The following FGF13 variants were observed in gnomAD, a reference collection of about 807,000 sequenced individuals.
FGF13 encodes fibroblast growth factor homologous factor 2.
In FGF13, 2 loss-of-function variants were observed where a neutral mutation model predicts 19.5. The observed-to-expected ratio is 0.10, with a 90% CI of 0.04 to 0.32. The LOEUF (loss-of-function observed/expected upper bound fraction) is 0.32. Among genes scored for constraint, FGF13 ranks in the 10% least tolerant of loss-of-function variants. FGF13 has a pLI of 1.00. For missense variants in FGF13, 113 were observed against 192.7 expected, an observed-to-expected ratio of 0.59 and a Z score of 2.45; for synonymous variants, 72 against 76.9, an observed-to-expected ratio of 0.94 and a Z score of 0.33.
chrX:138,899,564 G>A (rs1402882814), intron 1 of FGF13, among the ~76,000 whole-genome samples: 1 of 110,916 alleles, frequency 9.0e-6, no homozygotes, highest in African/African-American at 3.3e-5. Context: ...GAGAAACTGA[G>A]GCTACTTGGT....
intron 3 of FGF13, among the ~76,000 whole-genome samples, chrX:138,790,073 A>G (rs1208413752): frequency 1.0e-5 from 1 of 95,327 alleles, no homozygotes; most frequent in Non-Finnish European, 2.1e-5. Context: ...AAAAAAAACA[A>G]ACACACACAC....
chrX:138,990,836 T>A (rs185997258), intron 1 of FGF13, among the ~76,000 whole-genome samples: 1 of 111,896 alleles, frequency 8.9e-6, no homozygotes, highest in East Asian at 2.8e-4. Context: ...TAATAAGCTC[T>A]CCCCTCAAGG....
intron 3 of FGF13, among the ~76,000 whole-genome samples, chrX:138,803,994 C>A (rs1269404997): frequency 1.8e-5 from 2 of 111,874 alleles, no homozygotes; most frequent in East Asian, 2.8e-4. Context: ...AAAATAAATT[C>A]ATACTCTAAC....
chrX:138,719,808 G>T (rs2090135055), intron 1 of FGF13, among the ~76,000 whole-genome samples: 1 of 112,735 alleles, frequency 8.9e-6, no homozygotes, highest in Non-Finnish European at 1.9e-5. Context: ...ACAGTTAAAA[G>T]TACAGTCAAC....
chrX:138,882,947 C>A (rs2091434860), intron 1 of FGF13, among the ~76,000 whole-genome samples: 1 of 111,123 alleles, frequency 9.0e-6, no homozygotes, highest in Non-Finnish European at 1.9e-5. Context: ...AACCTGCCCC[C>A]CAAAACTTGT....
At chrX:139,144,537 G>T (rs1408694327) in intron 1 of FGF13, among the ~76,000 whole-genome samples, 1 of 111,426 alleles carries the variant, frequency 9.0e-6, no homozygotes, top group Non-Finnish European at 1.9e-5. Context: ...CTCCTGCAAT[G>T]GTCTCCTTCC....
chrX:139,021,249 C>A (rs2092176973), intron 1 of FGF13, among the ~76,000 whole-genome samples: 1 of 110,685 alleles, frequency 9.0e-6, no homozygotes, highest in African/African-American at 3.3e-5. Context: ...AAATTTTGGG[C>A]TGCCATCCCC....
intron 3 of FGF13, among the ~76,000 whole-genome samples, chrX:138,769,283 C>T (rs1414147446): frequency 1.8e-5 from 2 of 111,216 alleles, no homozygotes; most frequent in African/African-American, 6.6e-5. Context: ...AGTAACATGG[C>T]GGGGTGGTTA....
chrX:138,678,373 T>C (rs1263672676), intron 3 of FGF13, among the ~76,000 whole-genome samples: 1 of 111,894 alleles, frequency 8.9e-6, no homozygotes, highest in Non-Finnish European at 1.9e-5. Flanking sequence ...ATAATAATAA[T>C]AAAATAAAAT....
intron 1 of FGF13, among the ~76,000 whole-genome samples, chrX:138,967,945 T>C (rs765486062): frequency 1.2e-4 from 13 of 110,945 alleles, no homozygotes; most frequent in Non-Finnish European, 1.9e-4. Flanking sequence ...GCAGTCATTC[T>C]GGTTCCTTCC....
chrX:138,674,826 C>A (rs1162949370), intron 3 of FGF13, among the ~76,000 whole-genome samples: 2 of 110,972 alleles, frequency 1.8e-5, no homozygotes, highest in Non-Finnish European at 3.8e-5. Flanking sequence ...GTTCAAGGAA[C>A]TGAGATGGCA....
At chrX:139,050,615 C>T (rs1404193030) in intron 1 of FGF13, among the ~76,000 whole-genome samples, 3 of 112,235 alleles carry the variant, frequency 2.7e-5, no homozygotes, top group Non-Finnish European at 5.6e-5. Context: ...ACACTAACAG[C>T]ACCACTTTCT....
At chrX:138,872,525 C>T (rs1383863409) in intron 1 of FGF13, among the ~76,000 whole-genome samples, 2 of 112,231 alleles carry the variant, frequency 1.8e-5, no homozygotes, top group Non-Finnish European at 3.8e-5. Flanking sequence ...CAGCCTAAAT[C>T]AGCCTAAGCT....
At chrX:138,674,995 C>T (rs1163219893) in intron 3 of FGF13, among the ~76,000 whole-genome samples, 1 of 111,483 alleles carries the variant, frequency 9.0e-6, no homozygotes, top group Non-Finnish European at 1.9e-5. Flanking sequence ...TTTATCTCCC[C>T]TTTACAGGAG....
At chrX:138,634,514 A>T (rs1427083629) in intron 4 of FGF13, among the ~76,000 whole-genome samples, 1 of 113,276 alleles carries the variant, frequency 8.8e-6, no homozygotes, top group Non-Finnish European at 1.9e-5. Context: ...TGCACTATGG[A>T]AAAATTAAAA....
intron 3 of FGF13, among the ~76,000 whole-genome samples, chrX:138,815,916 T>G (rs769873896): frequency 2.7e-5 from 3 of 111,244 alleles, no homozygotes; most frequent in Non-Finnish European, 3.8e-5. Flanking sequence ...TTCTCCTAAT[T>G]AGAACTCCAA....
chrX:139,170,674 T>C (rs2084125464), intron 1 of FGF13, among the ~76,000 whole-genome samples: 2 of 111,398 alleles, frequency 1.8e-5, no homozygotes, highest in Non-Finnish European at 3.8e-5. Context: ...CTTGGCAGCT[T>C]AGCGGCTCCC....
At chrX:138,734,600 G>A (rs1019709911) in intron 1 of FGF13, among the ~76,000 whole-genome samples, 2 of 111,731 alleles carry the variant, frequency 1.8e-5, no homozygotes, top group African/African-American at 6.5e-5. Flanking sequence ...GAGAGGAAAG[G>A]TATCTCAGAG....
chrX:139,095,123 G>A (rs957368707), intron 1 of FGF13, among the ~76,000 whole-genome samples: 5 of 112,198 alleles, frequency 4.5e-5, no homozygotes, highest in African/African-American at 1.6e-4. Context: ...AATTGAGGAA[G>A]CTGTTGTTTC....
Sources: gnomAD v4.1 joint callset for allele counts (sites outside exome capture counted in the v4.1 genomes callset) on GRCh38, gnomAD v4.1.1 for gene constraint, MANE v1.5 for transcripts, NCBI Gene and HGNC (gene_info 2026-07-23, HGNC 2026-07-21) for gene names.